RBFOX1: variants seen among roughly 807,000 people sequenced by gnomAD.
RBFOX1 encodes RNA binding fox-1 homolog 1, also known as RNA binding protein fox-1 homolog 1.
A neutral mutation model predicts 57.7 loss-of-function variants in RBFOX1; 8 were observed. The ratio of observed to expected loss-of-function variants is 0.14; its 90% CI spans 0.08 to 0.25. The LOEUF (loss-of-function observed/expected upper bound fraction) is 0.25, where lower values mean the gene tolerates loss of function less well. RBFOX1 is among the 10% of genes least tolerant of loss of function. The pLI, the probability that RBFOX1 is intolerant of heterozygous loss-of-function variation, is 1.00. For synonymous variants in RBFOX1, 326 were observed against 222.4 expected (o/e 1.47, Z -4.15); for missense variants, 611 against 548.5 (o/e 1.11, Z -1.14).
intron 5 of RBFOX1, among the ~76,000 whole-genome samples, chr16:7,565,999 A>G (rs1259263190): frequency 6.6e-6 from 1 of 152,166 alleles, no homozygotes; most frequent in Non-Finnish European, 1.5e-5. Context: ...TTCAGGAAAG[A>G]CTTGCCGAGC....
chr16:6,975,459 G>A (rs1472992253), intron 3 of RBFOX1, among the ~76,000 whole-genome samples: 1 of 152,032 alleles, frequency 6.6e-6, no homozygotes. Context: ...TGGAGATGGG[G>A]TTTCACCATC....
intron 1 of RBFOX1, among the ~76,000 whole-genome samples, chr16:6,149,006 A>G (rs916660077): frequency 3.9e-5 from 6 of 152,200 alleles, no homozygotes; most frequent in African/African-American, 9.6e-5. Flanking sequence ...TTGTTCAGCC[A>G]TCTCATCGAG....
intron 3 of RBFOX1, among the ~76,000 whole-genome samples, chr16:6,687,221 T>C (rs2059564261): frequency 6.6e-6 from 1 of 152,110 alleles, no homozygotes. Context: ...GACTTAGAAG[T>C]AGGAGCTAAG....
chr16:7,607,255 A>G, intron 9 of RBFOX1, 30 bp from the exon 10 acceptor site: 1 of 1,592,076 alleles, frequency 6.3e-7, no homozygotes, highest in Non-Finnish European at 8.6e-7. Flanking sequence ...ATCAAATGTG[A>G]TAATAATGTT....
chr16:6,880,628 G>A (rs1195965801), intron 3 of RBFOX1, among the ~76,000 whole-genome samples: 3 of 151,984 alleles, frequency 2.0e-5, no homozygotes, highest in African/African-American at 7.3e-5. Flanking sequence ...GGCAGGGTGG[G>A]GAAAAAATCA....
rs60401242 is a variant in RBFOX1, at chr16:7,067,951, AT to A, written c.27+15871del. Reference sequence around the variant, plus strand: ...TCATTCCTAGTGTCTAGAGGGCGCCATTTTTTTTTTTTTTTTTTGTAATTCA... The same window carrying A: ...TCATTCCTAGTGTCTAGAGGGCGCCATTTTTTTTTTTTTTTTTGTAATTCA... On this transcript the variant is annotated intron_variant, in intron 4 of 15. Coordinates refer to ENST00000550418, the MANE Select transcript of RBFOX1 (RefSeq NM_018723.4). 8.6e-3 allele frequency among the ~76,000 whole-genome samples: 1,040 copies of A among 121,136 alleles called. 7 individuals carry two copies. The highest frequency in any genetic ancestry group is 0.011 in the Non-Finnish European group (630 of 58,406). The allele number at this position is 121,136 out of a possible 152,430, so 79.5% of individuals were successfully genotyped here. A position where few individuals can be genotyped will look rare whatever the true frequency, so the allele number is the denominator to read the frequency against.
chr16:5,566,908 G>C (rs1197216241), intron 2 of RBFOX1, among the ~76,000 whole-genome samples: 2 of 152,154 alleles, frequency 1.3e-5, no homozygotes, highest in African/African-American at 4.8e-5. Context: ...CACATACCAA[G>C]TTGTTTTAGG....
intron 4 of RBFOX1, among the ~76,000 whole-genome samples, chr16:7,230,946 TA>T (rs1392317677): frequency 6.6e-6 from 1 of 152,182 alleles, no homozygotes; most frequent in Non-Finnish European, 1.5e-5. Context: ...TGATGTTAGG[TA>T]ACCAGTCACT....
At chr16:7,437,748 C>G (rs928706969) in intron 4 of RBFOX1, among the ~76,000 whole-genome samples, 3 of 152,066 alleles carry the variant, frequency 2.0e-5, no homozygotes, top group African/African-American at 7.2e-5. Flanking sequence ...CTTTGATTTA[C>G]TTATACTGCT....
At chr16:6,642,693 C>G (rs190607084) in intron 2 of RBFOX1, among the ~76,000 whole-genome samples, 8 of 152,160 alleles carry the variant, frequency 5.3e-5, no homozygotes, top group African/African-American at 1.9e-4. Flanking sequence ...AGATGAAAAG[C>G]CTGCTGTCTT....
chr16:6,262,273 G>T (rs1204700708), intron 1 of RBFOX1, among the ~76,000 whole-genome samples: 1 of 152,080 alleles, frequency 6.6e-6, no homozygotes, highest in African/African-American at 2.4e-5. Flanking sequence ...CTCTCTTTAA[G>T]GGTACTTCCT....
intron 4 of RBFOX1, among the ~76,000 whole-genome samples, chr16:7,229,487 T>A (rs547492007): frequency 6.9e-6 from 1 of 143,930 alleles, no homozygotes; most frequent in Admixed American, 7.2e-5. Context: ...ATGAGTGTTA[T>A]GGGAAGGCAG....
chr16:5,974,961 A>G (rs1327282492), intron 4 of RBFOX1, among the ~76,000 whole-genome samples: 1 of 152,050 alleles, frequency 6.6e-6, no homozygotes, highest in African/African-American at 2.4e-5. Flanking sequence ...TGAGCAGAGA[A>G]CACGCCTTTG....
chr16:6,068,756 T>C (rs936071709), intron 1 of RBFOX1, among the ~76,000 whole-genome samples: 2 of 152,192 alleles, frequency 1.3e-5, no homozygotes, highest in East Asian at 3.9e-4. Context: ...GGTAGACATA[T>C]AGCTTAGAAG....
chr16:5,332,945 G>T (rs1056712892), intron 1 of RBFOX1, among the ~76,000 whole-genome samples: 4 of 152,136 alleles, frequency 2.6e-5, no homozygotes, highest in African/African-American at 9.7e-5. Context: ...CAGCACTTTG[G>T]GAGGCCAAGG....
intron 4 of RBFOX1, among the ~76,000 whole-genome samples, chr16:7,503,302 G>C (rs1343928877): frequency 6.6e-6 from 1 of 152,092 alleles, no homozygotes; most frequent in Admixed American, 6.5e-5. Context: ...TAAGCGATTT[G>C]GTTTTCTTTG....
chr16:5,314,637 A>G (rs952224179), intron 1 of RBFOX1, among the ~76,000 whole-genome samples: 4 of 152,028 alleles, frequency 2.6e-5, no homozygotes, highest in Non-Finnish European at 5.9e-5. Flanking sequence ...AGTAGCTGGG[A>G]CTACAGGCAT....
At chr16:7,161,148 C>T (rs894277052) in intron 4 of RBFOX1, among the ~76,000 whole-genome samples, 1 of 152,086 alleles carries the variant, frequency 6.6e-6, no homozygotes, top group Non-Finnish European at 1.5e-5. Context: ...TAATTTTATA[C>T]CACTTTCTAT....
intron 2 of RBFOX1, among the ~76,000 whole-genome samples, chr16:6,332,027 G>A (rs553718673): frequency 4.5e-4 from 69 of 152,266 alleles, no homozygotes; most frequent in East Asian, 2.9e-3. Flanking sequence ...GCAGGAGATA[G>A]GGCTGTCTCA....
Sources: gnomAD v4.1 joint callset for allele counts (sites outside exome capture counted in the v4.1 genomes callset) on GRCh38, gnomAD v4.1.1 for gene constraint, MANE v1.5 for transcripts, NCBI Gene and HGNC (gene_info 2026-07-23, HGNC 2026-07-21) for gene names.